PRKG1: variants seen among roughly 807,000 people sequenced by gnomAD.
PRKG1 encodes protein kinase cGMP-dependent 1, also known as cGMP-dependent protein kinase 1.
Under a neutral mutation model 88.1 loss-of-function variants are expected in PRKG1, and 35 were observed. The observed-to-expected ratio is 0.40, with a 90% CI of 0.30 to 0.53. The LOEUF (loss-of-function observed/expected upper bound fraction) is 0.53, where lower values mean the gene tolerates loss of function less well. PRKG1 is among the 20% of genes least tolerant of loss of function. The pLI, the probability that PRKG1 is intolerant of heterozygous loss-of-function variation, is 0.59. For missense variants in PRKG1, 540 were observed against 839.8 expected, an observed-to-expected ratio of 0.64 and a Z score of 4.41; for synonymous variants, 303 against 292.5, an observed-to-expected ratio of 1.04 and a Z score of -0.37.
intron 5 of PRKG1, among the ~76,000 whole-genome samples, chr10:51,963,394 T>C (rs1265802234): frequency 6.6e-6 from 1 of 152,164 alleles, no homozygotes; most frequent in Admixed American, 6.5e-5. Context: ...TATATTACTG[T>C]GAAGCAGTTT....
At chr10:52,104,868 T>C (rs1451669631) in intron 7 of PRKG1, among the ~76,000 whole-genome samples, 1 of 152,224 alleles carries the variant, frequency 6.6e-6, no homozygotes, top group African/African-American at 2.4e-5. Flanking sequence ...GTGAATCTTT[T>C]GATTTTTCAC....
intron 1 of PRKG1, among the ~76,000 whole-genome samples, chr10:51,096,897 A>G (rs1844543619): frequency 6.6e-6 from 1 of 152,178 alleles, no homozygotes; most frequent in African/African-American, 2.4e-5. Flanking sequence ...GGTAGATGCC[A>G]GGGATGCTGC....
At chr10:51,052,894 TG>T (rs1317836482) in intron 1 of PRKG1, among the ~76,000 whole-genome samples, 1 of 152,208 alleles carries the variant, frequency 6.6e-6, no homozygotes, top group Admixed American at 6.5e-5. Context: ...AGTGATTTTT[TG>T]TAATAACTAG....
At chr10:51,418,861 C>T (rs1272891573) in intron 2 of PRKG1, among the ~76,000 whole-genome samples, 1 of 152,094 alleles carries the variant, frequency 6.6e-6, no homozygotes, top group African/African-American at 2.4e-5. Context: ...ATTAACACCA[C>T]TCATAATCCA....
At chr10:51,710,462 C>T (rs1365501080) in intron 3 of PRKG1, among the ~76,000 whole-genome samples, 8 of 152,272 alleles carry the variant, frequency 5.3e-5, no homozygotes, top group African/African-American at 1.9e-4. Flanking sequence ...TGGCATTCCA[C>T]TCAAAGTCAG....
chr10:51,194,530 T>C (rs1403715498), intron 2 of PRKG1, among the ~76,000 whole-genome samples: 1 of 152,092 alleles, frequency 6.6e-6, no homozygotes, highest in African/African-American at 2.4e-5. Context: ...TCGTTTATTT[T>C]ACCCATGGCC....
intron 2 of PRKG1, among the ~76,000 whole-genome samples, chr10:51,178,053 C>T (rs1481525696): frequency 2.0e-5 from 3 of 152,008 alleles, no homozygotes; most frequent in African/African-American, 7.3e-5. Context: ...TTTAGATTCA[C>T]ATAAAATGAA....
At chr10:51,597,939 A>G (rs1838497483) in intron 3 of PRKG1, among the ~76,000 whole-genome samples, 1 of 152,198 alleles carries the variant, frequency 6.6e-6, no homozygotes, top group Non-Finnish European at 1.5e-5. Context: ...GAGAAACAGT[A>G]AGATAAAGTT....
intron 2 of PRKG1, among the ~76,000 whole-genome samples, chr10:51,153,678 T>C (rs984596671): frequency 6.6e-6 from 1 of 152,042 alleles, no homozygotes; most frequent in Non-Finnish European, 1.5e-5. Context: ...GAAGTATTTT[T>C]GGCCGATAAT....
intron 1 of PRKG1, among the ~76,000 whole-genome samples, chr10:51,122,858 A>G (rs146440899): frequency 6.6e-6 from 1 of 152,176 alleles, no homozygotes; most frequent in Non-Finnish European, 1.5e-5. Context: ...AAAACCAGGT[A>G]TCTTCCTGTC....
rs151178350 is a variant in PRKG1, at chr10:51,925,837, T to A, written c.762+18267T>A. Among the ~76,000 whole-genome samples the A allele has an allele frequency of 3.0e-3, 455 of 152,272 alleles. 5 individuals carry two copies. Among genetic ancestry groups the A allele is most frequent in the African/African-American group, 0.01 (427 of 41,552 alleles). On this transcript the variant is annotated intron_variant, in intron 5 of 17. Transcript: ENST00000373980. ...TGACTTTATTTTTCTTATGAAGCTC[T>A]AAGAAATGCTATTGATCTTTAGTTT...
In PRKG1 at chr10:51,699,088, G is replaced by A. The variant is rs754329910; in HGVS notation, c.593-105497G>A. On this transcript the variant is annotated intron_variant, in intron 3 of 17. Coordinates refer to ENST00000373980, the MANE Select transcript of PRKG1 (RefSeq NM_006258.4). ...GTAACATGTTTCGAGCTTCCTGGTGGCTGTTTTGGACACAGAGCTTCATCT... is the reference window on the plus strand; with the variant it reads ...GTAACATGTTTCGAGCTTCCTGGTGACTGTTTTGGACACAGAGCTTCATCT... The A allele has an allele frequency of 7.4e-6, 12 of 1,614,188 alleles. No homozygotes were observed. In the South Asian group the frequency reaches 1.2e-4, roughly 16 times the overall value.
At chr10:51,638,724 G>A (rs905438169) in intron 3 of PRKG1, among the ~76,000 whole-genome samples, 1 of 152,184 alleles carries the variant, frequency 6.6e-6, no homozygotes, top group African/African-American at 2.4e-5. Flanking sequence ...TCATGGAGGA[G>A]AAGGAAGCAG....
At chr10:52,033,055 C>G (rs904356869) in intron 5 of PRKG1, among the ~76,000 whole-genome samples, 2 of 152,092 alleles carry the variant, frequency 1.3e-5, no homozygotes, top group African/African-American at 4.8e-5. Flanking sequence ...GAGACTGGGT[C>G]TTATATCTAT....
chr10:51,583,953 G>A (rs141129075), intron 3 of PRKG1, among the ~76,000 whole-genome samples: 1,864 of 152,008 alleles, frequency 0.012, 18 homozygotes, highest in Admixed American at 0.018. Flanking sequence ...CAAATCTTTC[G>A]ATGGGATATA....
At chr10:51,701,988 C>T (rs1308831571) in intron 3 of PRKG1, among the ~76,000 whole-genome samples, 2 of 152,098 alleles carry the variant, frequency 1.3e-5, no homozygotes, top group Non-Finnish European at 2.9e-5. Context: ...ATCATTGGTC[C>T]TAGGGATTGG....
intron 14 of PRKG1, among the ~76,000 whole-genome samples, chr10:52,286,529 A>G (rs1842119861): frequency 6.6e-6 from 1 of 152,090 alleles, no homozygotes; most frequent in Non-Finnish European, 1.5e-5. Flanking sequence ...AAATAATTTA[A>G]ATTTGGGTAA....
intron 2 of PRKG1, among the ~76,000 whole-genome samples, chr10:51,212,871 T>C (rs1391616672): frequency 1.3e-5 from 2 of 152,344 alleles, no homozygotes; most frequent in East Asian, 3.9e-4. Context: ...TTGGTGGGAC[T>C]GTAAACTAGT....
chr10:51,870,106 T>TCC (rs1280742585), intron 4 of PRKG1, among the ~76,000 whole-genome samples: 1 of 152,152 alleles, frequency 6.6e-6, no homozygotes, highest in Non-Finnish European at 1.5e-5. Context: ...AATGAACAAA[T>TCC]GTCTGTGATG....
Sources: allele counts gnomAD v4.1 joint callset (sites outside exome capture counted in the v4.1 genomes callset), GRCh38; gene constraint gnomAD v4.1.1; transcripts MANE v1.5; gene names NCBI Gene and HGNC (gene_info 2026-07-23, HGNC 2026-07-21).